DGKG: variants seen among roughly 807,000 people sequenced by gnomAD.
The protein encoded by DGKG is diacylglycerol kinase gamma.
DGKG carries 78 observed loss-of-function variants against 105.3 expected under a neutral mutation model. The observed-to-expected ratio is 0.74, with a 90% CI of 0.62 to 0.89. The LOEUF (loss-of-function observed/expected upper bound fraction) is 0.89. Among genes scored for constraint, DGKG ranks in the 40% least tolerant of loss-of-function variants. The probability of loss-of-function intolerance (pLI) is 0.00; values close to 1 mark genes in which losing one functional copy is unlikely to be tolerated. For synonymous variants in DGKG, 346 were observed against 367.1 expected (o/e 0.94, Z 0.66); for missense variants, 958 against 1,020.1 (o/e 0.94, Z 0.83).
At chr3:186,182,569 T>C (rs1318871259) in intron 22 of DGKG, among the ~76,000 whole-genome samples, 2 of 152,214 alleles carry the variant, frequency 1.3e-5, no homozygotes, top group East Asian at 1.9e-4. Flanking sequence ...CCTCTCTCAA[T>C]TGCAAGTCCT....
intron 1 of DGKG, among the ~76,000 whole-genome samples, chr3:186,340,611 A>G (rs77724603): frequency 0.045 from 6,925 of 152,308 alleles, 517 homozygotes; most frequent in African/African-American, 0.16. Flanking sequence ...TCACATGCAC[A>G]TATTCATTCC....
At chr3:186,283,610 T>G (rs1009999102) in intron 7 of DGKG, among the ~76,000 whole-genome samples, 4 of 152,358 alleles carry the variant, frequency 2.6e-5, no homozygotes, top group Middle Eastern at 3.4e-3. Flanking sequence ...GTGTCTGTGC[T>G]TGGACTAGAA....
intron 13 of DGKG, among the ~76,000 whole-genome samples, chr3:186,265,680 T>G (rs1722021039): frequency 6.8e-6 from 1 of 146,544 alleles, no homozygotes; most frequent in South Asian, 2.2e-4. Context: ...TTTTTTTTTT[T>G]TGAGACGGAG....
chr3:186,346,666 C>CTATAT (rs1181303326), intron 1 of DGKG, among the ~76,000 whole-genome samples: 2 of 152,084 alleles, frequency 1.3e-5, no homozygotes, highest in Non-Finnish European at 2.9e-5. Context: ...CTATACTATA[C>CTATAT]TATACTATAC....
chr3:186,253,056 C>T, intron 18 of DGKG, 37 bp downstream of exon 18: 5 of 1,584,698 alleles, frequency 3.2e-6, no homozygotes, highest in Non-Finnish European at 4.3e-6. Flanking sequence ...ACAGGAACAC[C>T]TGTTCCCAGG....
intron 6 of DGKG, 63 bp downstream of exon 6, chr3:186,288,647 G>A: frequency 6.4e-7 from 1 of 1,551,016 alleles, no homozygotes; most frequent in Non-Finnish European, 8.9e-7. Context: ...TAGGAATAAT[G>A]GATAGAACCC....
chr3:186,354,223 C>G lies in DGKG; in HGVS notation c.-249+7723G>C, dbSNP rs557354189. ...TTACTTTAACTGCAAGTCAGGGGCA[C>G]GACGGAGCTGGTGAAGTACTATGAG... On this transcript the variant is annotated intron_variant, in intron 1 of 24. Transcript: ENST00000265022. Among the ~76,000 whole-genome samples the G allele has an allele frequency of 2.1e-4, 32 of 152,182 alleles. No homozygotes were observed. The East Asian group carries it at 4.4e-3, about 21-fold the overall frequency.
intron 20 of DGKG, among the ~76,000 whole-genome samples, chr3:186,222,183 C>T (rs960134865): frequency 6.6e-5 from 10 of 152,196 alleles, no homozygotes; most frequent in African/African-American, 2.2e-4. Flanking sequence ...TTTCTGAACA[C>T]GAGGCAGTGC....
intron 1 of DGKG, among the ~76,000 whole-genome samples, chr3:186,341,673 G>T (rs952740700): frequency 1.1e-4 from 16 of 152,028 alleles, no homozygotes; most frequent in African/African-American, 3.4e-4. Context: ...GGGGTTGTTT[G>T]TTTTTTTCTT....
At chr3:186,273,431 G>C (rs1578759767) in intron 10 of DGKG, among the ~76,000 whole-genome samples, 1 of 133,998 alleles carries the variant, frequency 7.5e-6, no homozygotes, top group African/African-American at 2.8e-5. Context: ...CTGGAGTGCA[G>C]TGATGCAATC....
chr3:186,308,669 T>C (rs1724374300), intron 2 of DGKG, among the ~76,000 whole-genome samples: 1 of 152,190 alleles, frequency 6.6e-6, no homozygotes, highest in South Asian at 2.1e-4. Flanking sequence ...AAATGGAAAT[T>C]TCTTTCTGAA....
chr3:186,280,193 C>T (rs1044468043), intron 8 of DGKG, among the ~76,000 whole-genome samples: 4 of 152,112 alleles, frequency 2.6e-5, no homozygotes, highest in African/African-American at 7.2e-5. Context: ...TCTGTGGGCT[C>T]TGGTTTGCTT....
chr3:186,314,742 A>C lies in DGKG; in HGVS notation c.67+5651T>G, dbSNP rs182682861. Among the ~76,000 whole-genome samples the C allele has an allele frequency of 2.6e-3, 379 of 147,462 alleles. 2 individuals are homozygous for C. Among genetic ancestry groups the C allele is most frequent in the African/African-American group, 9.2e-3 (356 of 38,884 alleles). On this transcript the variant is annotated intron_variant, in intron 2 of 24. Transcript: ENST00000265022. ...GCACTCCAGGCTAGGTGACAGAGTA[A>C]GACTCCGTCTCAAAAAAAAAAAAAA...
rs1012175963 is a variant in DGKG at position 186,338,952 on chromosome 3, G to A, written c.-248-18245C>T. On this transcript the variant is annotated intron_variant, in intron 1 of 24. Transcript: ENST00000265022. ...TATTATGTCTTTTCATTCTTTATGAGTATTATTTATATACATGAGAATTTT... is the reference window on the plus strand; with the variant it reads ...TATTATGTCTTTTCATTCTTTATGAATATTATTTATATACATGAGAATTTT... 5.9e-5 allele frequency among the ~76,000 whole-genome samples: 9 copies of A among 152,122 alleles called. No individual in the cohort carries two copies. In the East Asian group the frequency reaches 1.7e-3, roughly 29 times the overall value.
At chr3:186,291,277 C>A (rs544650207) in intron 5 of DGKG, among the ~76,000 whole-genome samples, 36 of 152,316 alleles carry the variant, frequency 2.4e-4, no homozygotes, top group Non-Finnish European at 4.6e-4. Context: ...CAGACAATGA[C>A]ATGATAAGAC....
At chr3:186,233,481 T>C (rs1018821843) in intron 20 of DGKG, among the ~76,000 whole-genome samples, 3 of 103,752 alleles carry the variant, frequency 2.9e-5, no homozygotes, top group Non-Finnish European at 8.1e-5. Context: ...TTTTTGTCGT[T>C]GTTGTTGTTG....
intron 1 of DGKG, among the ~76,000 whole-genome samples, chr3:186,340,313 G>T (rs75128373): frequency 6.6e-6 from 1 of 152,128 alleles, no homozygotes; most frequent in Admixed American, 6.5e-5. Flanking sequence ...TGCTTGCAGG[G>T]GTTAGGAGTG....
chr3:186,314,716 T>C (rs900056956), intron 2 of DGKG, among the ~76,000 whole-genome samples: 2 of 140,508 alleles, frequency 1.4e-5, no homozygotes, highest in Non-Finnish European at 3.0e-5. Context: ...ATCGCGCCGC[T>C]GCACTCCAGG....
chr3:186,273,322 G>C (rs1046842292), intron 10 of DGKG, among the ~76,000 whole-genome samples: 1 of 149,800 alleles, frequency 6.7e-6, no homozygotes, highest in African/African-American at 2.4e-5. Context: ...ATAAAATGTG[G>C]GTAAGAGCTG....
Sources: gnomAD v4.1 joint callset for allele counts (sites outside exome capture counted in the v4.1 genomes callset) on GRCh38, gnomAD v4.1.1 for gene constraint, MANE v1.5 for transcripts, NCBI Gene and HGNC (gene_info 2026-07-23, HGNC 2026-07-21) for gene names.